LRRC42: variants seen among roughly 807,000 people sequenced by gnomAD.
LRRC42 encodes the protein leucine rich repeat containing 42, also known as leucine-rich repeat-containing protein 42.
Under a neutral mutation model 44.3 loss-of-function variants are expected in LRRC42, and 43 were observed. That is an observed-to-expected ratio of 0.97 (90% CI 0.76 to 1.25). The LOEUF is 1.25. Ranked by LOEUF, LRRC42 falls within the 50% of genes most tolerant of loss-of-function variation. The pLI is 0.00. For synonymous variants in LRRC42, 207 were observed against 195.2 expected, an observed-to-expected ratio of 1.06 and a Z score of -0.50; for missense variants, 540 against 509.1, an observed-to-expected ratio of 1.06 and a Z score of -0.58.
At chr1:53,955,040 T>G (rs1453008350) in intron 3 of LRRC42, among the ~76,000 whole-genome samples, 1 of 152,214 alleles carries the variant, frequency 6.6e-6, no homozygotes, top group African/African-American at 2.4e-5. Context: ...TTAAGCAAAT[T>G]ATAGTATATT....
chr1:53,957,267 A>G (rs1255582818), intron 3 of LRRC42, among the ~76,000 whole-genome samples: 2 of 152,228 alleles, frequency 1.3e-5, no homozygotes, highest in Non-Finnish European at 2.9e-5. Context: ...TTCAAGAGGA[A>G]GGTGGATGAG....
intron 7 of LRRC42, 73 bp from the exon 8 acceptor site, chr1:53,966,223 G>C (rs750286895): frequency 2.4e-6 from 3 of 1,230,668 alleles, no homozygotes; most frequent in Middle Eastern, 2.3e-4. Flanking sequence ...AGGGAAAAAG[G>C]GGGAACAAGA....
chr1:53,962,259 A>G (rs1655016473), intron 6 of LRRC42, 37 bp from the exon 7 acceptor site: 3 of 1,531,458 alleles, frequency 2.0e-6, no homozygotes, highest in Non-Finnish European at 2.7e-6. Context: ...AATTAACCAA[A>G]TGTATTTGCA....
chr1:53,964,106 C>T (rs779225573), intron 7 of LRRC42, among the ~76,000 whole-genome samples: 12 of 151,986 alleles, frequency 7.9e-5, no homozygotes, highest in Non-Finnish European at 1.6e-4. Flanking sequence ...TCAGTTCTTA[C>T]TCCCTTGCGA....
intron 3 of LRRC42, among the ~76,000 whole-genome samples, chr1:53,953,389 T>G (rs1308436498): frequency 6.6e-6 from 1 of 152,198 alleles, no homozygotes; most frequent in Non-Finnish European, 1.5e-5. Flanking sequence ...GACAGAGTCT[T>G]GCTCTGTCGC....
intron 7 of LRRC42, among the ~76,000 whole-genome samples, chr1:53,965,581 G>A (rs965445040): frequency 1.0e-4 from 15 of 150,678 alleles, no homozygotes; most frequent in South Asian, 2.1e-4. Flanking sequence ...CCGGGTTCAC[G>A]CCATTCTCCT....
intron 4 of LRRC42, among the ~76,000 whole-genome samples, chr1:53,960,135 A>G (rs917371586): frequency 8.5e-5 from 13 of 152,080 alleles, no homozygotes; most frequent in African/African-American, 2.7e-4. Flanking sequence ...CCTGGGCCCA[A>G]GTGATCCTCC....
intron 2 of LRRC42, among the ~76,000 whole-genome samples, chr1:53,951,645 G>A (rs1384402504): frequency 6.6e-6 from 1 of 152,130 alleles, no homozygotes; most frequent in African/African-American, 2.4e-5. Context: ...GGCTGGTCTC[G>A]AACTCCTGAC....
chr1:53,963,924 A>G (rs1453657842), intron 7 of LRRC42, among the ~76,000 whole-genome samples: 1 of 149,270 alleles, frequency 6.7e-6, no homozygotes, highest in Non-Finnish European at 1.5e-5. Context: ...CTATTTACTA[A>G]TAATTATTTT....
At chr1:53,948,059 T>A (rs1209389868) in intron 2 of LRRC42, 1 of 152,218 alleles carries the variant, frequency 6.6e-6, no homozygotes, top group East Asian at 1.9e-4. Context: ...AAAGATTACA[T>A]GAGATCATTT....
At chr1:53,966,191 A>G (rs112087821) in intron 7 of LRRC42, 105 bp from the exon 8 acceptor site, 9 of 809,562 alleles carry the variant, frequency 1.1e-5, no homozygotes, top group African/African-American at 1.0e-4. Context: ...TAAATTTACC[A>G]GAGGGGTTTG....
intron 8 of LRRC42, 112 bp downstream of exon 8, chr1:53,966,492 T>C: frequency 1.4e-6 from 1 of 712,162 alleles, no homozygotes; most frequent in Admixed American, 2.2e-5. Flanking sequence ...GGCTTATTTA[T>C]GATCACCAAG....
Position 53,967,963 on chromosome 1 carries a change from C to T in LRRC42, c.*24C>T. On this transcript the variant is annotated 3_prime_UTR_variant, in exon 9 of 9. Coordinates refer to ENST00000371370, the MANE Select transcript of LRRC42 (RefSeq NM_001256409.2). ...GATTAGTAGATACAAGTTGACCTTT[C>T]TCTGGCCCCCAGCTCTAGTGTTTGA... 1.3e-6 allele frequency: 2 copies of T among 1,599,952 alleles called. No individual in the cohort carries two copies. Among genetic ancestry groups the T allele is most frequent in the Non-Finnish European group, 1.7e-6 (2 of 1,170,966 alleles).
At chr1:53,955,248 G>GA (rs1654804998) in intron 3 of LRRC42, among the ~76,000 whole-genome samples, 1 of 151,994 alleles carries the variant, frequency 6.6e-6, no homozygotes, top group African/African-American at 2.4e-5. Flanking sequence ...TACATTATCA[G>GA]AAAATGTAAG....
chr1:53,967,104 G>A (rs1373219958), intron 8 of LRRC42, among the ~76,000 whole-genome samples: 2 of 152,142 alleles, frequency 1.3e-5, no homozygotes, highest in South Asian at 2.1e-4. Context: ...TTTATGTTAT[G>A]TATATTTTAT....
Position 53,952,396 on chromosome 1 carries a change from G to A in LRRC42, c.397G>A (p.Ala133Thr). 1 of 1,613,822 alleles carries A rather than the reference G, an allele frequency of 6.2e-7. No individual in the cohort carries two copies. The change falls in exon 3 of 9, where the codon GCA becomes ACA. Residue 133 changes from alanine to threonine, a missense_variant. By Grantham distance (58) the Ala-to-Thr change is moderately conservative. Coordinates refer to ENST00000371370, the MANE Select transcript of LRRC42 (RefSeq NM_001256409.2). ...CAGACAGAAATTCACTGAGCCAGGT[G>A]CAGGGCTGAGGGCTTTACAGAAATT... Reference protein sequence around the residue: ...EARQKFTEPGAGLRALQKFTE... With the variant: ...EARQKFTEPGTGLRALQKFTE...
In LRRC42 at chr1:53,952,432, T is replaced by A; in HGVS notation, c.433T>A (p.Tyr145Asn). The stretch of plus-strand genomic sequence containing the variant: ...GGCTTTACAGAAATTCACTGAGGCC[T>A]ATGGAAGTTTGGTGCTTTGCTCCCT... ...LRALQKFTEA[Y>N]GSLVLCSLCL... The change falls in exon 3 of 9, where the codon TAT (tyrosine) becomes AAT (asparagine). Residue 145 changes from tyrosine (Y) to asparagine (N), a missense_variant. Transcript: ENST00000371370. 6.2e-7 allele frequency: 1 copy of A among 1,604,792 alleles called. No homozygotes were observed.
chr1:53,968,070 T>A lies in LRRC42; in HGVS notation c.*131T>A. 1 of 941,778 alleles carries A rather than the reference T, an allele frequency of 1.1e-6. No individual in the cohort carries two copies. Among genetic ancestry groups the A allele is most frequent in the Non-Finnish European group, 1.6e-6 (1 of 625,772 alleles). 58.3% of individuals were successfully genotyped at this position (941,778 alleles called of 1,614,324 possible). A position where few individuals can be genotyped will look rare whatever the true frequency, so the allele number is the denominator to read the frequency against. On this transcript the variant is annotated 3_prime_UTR_variant, in exon 9 of 9. Transcript: ENST00000371370. ...TAGTAAGCAGATATTTCTACTTTTG[T>A]GGTGTGGGAGGGGAATGCTATGGAA...
intron 1 of LRRC42, among the ~76,000 whole-genome samples, chr1:53,947,361 G>A (rs1654530503): frequency 1.3e-5 from 2 of 152,178 alleles, no homozygotes; most frequent in South Asian, 2.1e-4. Flanking sequence ...TTGGAGGGAA[G>A]TAGGGAGCCT....
Sources: allele counts gnomAD v4.1 joint callset (sites outside exome capture counted in the v4.1 genomes callset), GRCh38; gene constraint gnomAD v4.1.1; transcripts MANE v1.5; gene names NCBI Gene and HGNC (gene_info 2026-07-23, HGNC 2026-07-21).